Variants in AOX1 observed in about 807,000 individuals in gnomAD.
The protein encoded by AOX1 is aldehyde oxidase.
A neutral mutation model predicts 169.5 loss-of-function variants in AOX1; 153 were observed. The ratio of observed to expected loss-of-function variants is 0.90; its 90% CI spans 0.79 to 1.03. The LOEUF (loss-of-function observed/expected upper bound fraction) is 1.03. Among genes scored for constraint, AOX1 ranks in the 50% least tolerant of loss-of-function variants. The probability of loss-of-function intolerance (pLI) is 0.00; values close to 1 mark genes in which losing one functional copy is unlikely to be tolerated. For missense variants in AOX1, 1,656 were observed against 1,663.9 expected, an observed-to-expected ratio of 1.00 and a Z score of 0.08; for synonymous variants, 562 against 581.9, an observed-to-expected ratio of 0.97 and a Z score of 0.49.
At chr2:200,592,748 C>T (rs757589421) in intron 1 of AOX1, among the ~76,000 whole-genome samples, 14 of 152,176 alleles carry the variant, frequency 9.2e-5, no homozygotes, top group Non-Finnish European at 1.8e-4. Flanking sequence ...TTCTCAGAGG[C>T]TATTCTATTC....
chr2:200,623,124 T>A (rs1290199800), intron 18 of AOX1, among the ~76,000 whole-genome samples: 1 of 152,242 alleles, frequency 6.6e-6, no homozygotes, highest in East Asian at 1.9e-4. Flanking sequence ...ACATTGAAAT[T>A]GTGAATCACA....
chr2:200,625,404 A>G (rs935012500), intron 19 of AOX1, among the ~76,000 whole-genome samples: 2 of 152,274 alleles, frequency 1.3e-5, no homozygotes, highest in Middle Eastern at 3.4e-3. Flanking sequence ...AGCCCCAATA[A>G]GCAAATATAA....
At chr2:200,598,637 G>A (rs564260119) in intron 4 of AOX1, among the ~76,000 whole-genome samples, 8 of 132,366 alleles carry the variant, frequency 6.0e-5, no homozygotes, top group Admixed American at 4.4e-4. Flanking sequence ...CAAGCTACTC[G>A]GGAGGCTGAA....
At position 200,607,742 on chromosome 2, in the gene AOX1, A is replaced by G. The variant is rs528671416; in HGVS notation, c.908-1242A>G. The stretch of plus-strand genomic sequence containing the variant: ...CAAATGCACATCAATGATAGACTGG[A>G]TAAAGAAACTGTGACAGATACACAC... On this transcript the variant is annotated intron_variant, in intron 10 of 34. Transcript: ENST00000374700. Among the ~76,000 whole-genome samples the G allele has an allele frequency of 7.9e-5, 12 of 152,362 alleles. No homozygotes were observed. In the South Asian group the frequency reaches 1.9e-3, roughly 24 times the overall value.
At chr2:200,602,198 T>C in intron 5 of AOX1, 86 bp from the exon 6 acceptor site, 1 of 1,074,810 alleles carries the variant, frequency 9.3e-7, no homozygotes, top group Non-Finnish European at 1.4e-6. Context: ...TCCTCTATGA[T>C]AGGGTCCTCA....
chr2:200,650,214 A>G (rs1256340132), intron 25 of AOX1, among the ~76,000 whole-genome samples: 1 of 152,130 alleles, frequency 6.6e-6, no homozygotes, highest in Non-Finnish European at 1.5e-5. Flanking sequence ...ATTCCCAGGG[A>G]AGTTAGAGCA....
chr2:200,588,693 C>A (rs567062881), intron 1 of AOX1, among the ~76,000 whole-genome samples: 1 of 136,386 alleles, frequency 7.3e-6, no homozygotes, highest in South Asian at 2.3e-4. Flanking sequence ...AATAAACAAG[C>A]CTGATTACTT....
chr2:200,680,254 ATGT>A (rs2036140754), downstream of AOX1, among the ~76,000 whole-genome samples: 2 of 152,206 alleles, frequency 1.3e-5, no homozygotes, highest in South Asian at 2.1e-4. Context: ...AAGACTATAG[ATGT>A]TGATACAGGA....
downstream of AOX1, chr2:200,679,528 G>C (rs1483831043): frequency 6.6e-6 from 1 of 152,176 alleles, no homozygotes; most frequent in African/African-American, 2.4e-5. Flanking sequence ...GAAGGTCTCT[G>C]TCTCCTTTAC....
intron 24 of AOX1, 61 bp downstream of exon 24, chr2:200,641,245 C>T (rs183602339): frequency 2.2e-5 from 26 of 1,164,940 alleles, no homozygotes; most frequent in Admixed American, 1.2e-4. Flanking sequence ...AATAATTTAA[C>T]TTAGAAAATG....
At chr2:200,642,375 G>T (rs1201292973) in intron 24 of AOX1, among the ~76,000 whole-genome samples, 1 of 152,058 alleles carries the variant, frequency 6.6e-6, no homozygotes, top group African/African-American at 2.4e-5. Context: ...CTTAAAAAAT[G>T]CATTAACTCC....
At chr2:200,669,776 A>G in intron 34 of AOX1, 34 bp downstream of exon 34, 1 of 1,601,216 alleles carries the variant, frequency 6.2e-7, no homozygotes, top group Non-Finnish European at 8.5e-7. Flanking sequence ...AATAGTGATC[A>G]TAAAATTCTG....
intron 20 of AOX1, among the ~76,000 whole-genome samples, chr2:200,628,154 T>A (rs2035043917): frequency 6.6e-6 from 1 of 152,182 alleles, no homozygotes. Context: ...CTCCCAAATA[T>A]TTTTCACTCA....
At chr2:200,631,808 G>A (rs2035131739) in intron 20 of AOX1, among the ~76,000 whole-genome samples, 2 of 152,138 alleles carry the variant, frequency 1.3e-5, no homozygotes, top group African/African-American at 4.8e-5. Context: ...GAGTGGATAG[G>A]CAGAATCAAT....
At chr2:200,674,313 G>A (rs1332126494), downstream of AOX1, among the ~76,000 whole-genome samples, 2 of 152,206 alleles carry the variant, frequency 1.3e-5, no homozygotes, top group East Asian at 1.9e-4. Context: ...TTTCCCAATA[G>A]GCAGGGCTTT....
intron 19 of AOX1, 135 bp from the exon 20 acceptor site, chr2:200,627,218 C>T: frequency 1.6e-6 from 1 of 645,020 alleles, no homozygotes; most frequent in Non-Finnish European, 2.8e-6. Context: ...TCACCAGGGT[C>T]ATGGTGAAAG....
intron 15 of AOX1, 22 bp from the exon 16 acceptor site, chr2:200,615,949 C>T (rs1269073680): frequency 6.4e-7 from 1 of 1,564,928 alleles, no homozygotes; most frequent in Admixed American, 1.7e-5. Context: ...TTTAAAATAT[C>T]TGCAATGGTT....
intron 34 of AOX1, 65 bp downstream of exon 34, chr2:200,669,807 G>C (rs1053399425): frequency 3.8e-6 from 6 of 1,565,296 alleles, no homozygotes; most frequent in Non-Finnish European, 5.2e-6. Context: ...CTCTGTTCTT[G>C]TGGTAAGTTT....
At position 200,602,330 on chromosome 2, in the gene AOX1, C is replaced by A; in HGVS notation, c.483C>A (p.Cys161Ter). 1 of 1,613,692 alleles carries A rather than the reference C, an allele frequency of 6.2e-7. No homozygotes were observed. Among genetic ancestry groups the A allele is most frequent in the Non-Finnish European group, 8.5e-7 (1 of 1,179,834 alleles). The change falls in exon 6 of 35, where the codon TGC (cysteine) becomes TGA (stop). Residue 161 changes from cysteine (C) to a stop codon, truncating the protein, a stop_gained. Coordinates refer to ENST00000374700, the MANE Select transcript of AOX1 (RefSeq NM_001159.4). LOFTEE classifies it high-confidence loss of function. ...GATACAGGCCCATAATTGATGCATG[C>A]AAGACTTTCTGTAAAGTAAGTGGAA... ...CTGYRPIIDA[C>*]KTFCKTSGCC... is the part of the protein sequence containing the mutation.
Sources: allele counts gnomAD v4.1 joint callset (sites outside exome capture counted in the v4.1 genomes callset), GRCh38; gene constraint gnomAD v4.1.1; transcripts MANE v1.5; gene names NCBI Gene and HGNC (gene_info 2026-07-23, HGNC 2026-07-21).